Variants in MGRN1 observed in about 807,000 individuals in gnomAD.
The protein encoded by MGRN1 is E3 ubiquitin-protein ligase MGRN1.
MGRN1 carries 29 observed loss-of-function variants against 69.2 expected under a neutral mutation model. The observed-to-expected ratio is 0.42, with a 90% confidence interval of 0.31 to 0.57. MGRN1 has a LOEUF of 0.57. MGRN1 is among the 20% of genes least tolerant of loss of function. The pLI, the probability that MGRN1 is intolerant of heterozygous loss-of-function variation, is 0.15. For synonymous variants in MGRN1, 470 were observed against 344.2 expected, an observed-to-expected ratio of 1.37 and a Z score of -4.04; for missense variants, 998 against 796.2, an observed-to-expected ratio of 1.25 and a Z score of -3.05.
At chr16:4,662,020 C>T (rs2078693120) in intron 5 of MGRN1, among the ~76,000 whole-genome samples, 1 of 152,130 alleles carries the variant, frequency 6.6e-6, no homozygotes, top group Admixed American at 6.5e-5. Flanking sequence ...TGCTGCCAGC[C>T]TTTGCCGTGT....
intron 1 of MGRN1, among the ~76,000 whole-genome samples, chr16:4,643,517 G>A (rs1196166125): frequency 3.3e-5 from 5 of 150,226 alleles, no homozygotes; most frequent in South Asian, 2.1e-4. Flanking sequence ...GACTACAGGC[G>A]CGTGCCACCA....
At chr16:4,687,152 C>T in intron 16 of MGRN1, 3 of 985,406 alleles carry the variant, frequency 3.0e-6, no homozygotes, top group South Asian at 4.7e-5. Flanking sequence ...GTACTGGAAC[C>T]TTCTGGAACA....
intron 15 of MGRN1, among the ~76,000 whole-genome samples, chr16:4,683,642 G>T (rs2079240899): frequency 6.6e-6 from 1 of 152,220 alleles, no homozygotes; most frequent in South Asian, 2.1e-4. Flanking sequence ...GGATGGGAAG[G>T]AGGGAAATAG....
chr16:4,642,501 T>TGTGTGTGTGTG (rs1377829789), intron 1 of MGRN1, among the ~76,000 whole-genome samples: 7 of 151,076 alleles, frequency 4.6e-5, no homozygotes, highest in African/African-American at 1.7e-4. Context: ...TGTGTGTGTG[T>TGTGTGTGTGTG]TTTTAGTAGA....
chr16:4,668,235 C>T (rs891097474), intron 7 of MGRN1, 30 bp from the exon 8 acceptor site: 6 of 1,612,700 alleles, frequency 3.7e-6, no homozygotes, highest in Admixed American at 1.7e-5. Flanking sequence ...AGCTTGACCA[C>T]CTTAACCTCT....
chr16:4,650,030 C>A (rs536103971), intron 1 of MGRN1: 4 of 193,542 alleles, frequency 2.1e-5, no homozygotes, highest in Admixed American at 5.9e-5. Context: ...AGGCTGGGCG[C>A]CGTGGCTCAT....
At position 4,689,686 on chromosome 16, in the gene MGRN1, T is replaced by C. The variant is rs1211079565; in HGVS notation, c.*778T>C. The C allele has an allele frequency of 6.6e-6, 1 of 152,136 alleles. No homozygotes were observed. Among genetic ancestry groups the C allele is most frequent in the Non-Finnish European group, 1.5e-5 (1 of 68,038 alleles). The allele number at this position is 152,136 out of a possible 1,614,324, so 9.4% of individuals were successfully genotyped here. ...CCCCTCCAGGTGCAGGGGCTTCTGT[T>C]TGGCAGGCCCCTGCCAGGGAGGACC... On this transcript the variant is annotated 3_prime_UTR_variant, in exon 17 of 17. Transcript: ENST00000262370.
chr16:4,677,635 C>T, intron 11 of MGRN1, 63 bp downstream of exon 11: 1 of 1,495,804 alleles, frequency 6.7e-7, no homozygotes, highest in Non-Finnish European at 9.2e-7. Context: ...GGGCCAGGCG[C>T]AAGGCCCAGA....
intron 1 of MGRN1, among the ~76,000 whole-genome samples, chr16:4,626,989 C>A (rs1014075316): frequency 1.3e-5 from 2 of 152,140 alleles, no homozygotes; most frequent in African/African-American, 4.8e-5. Flanking sequence ...GATACTTGTT[C>A]TTCTCTTTGT....
intron 7 of MGRN1, among the ~76,000 whole-genome samples, chr16:4,667,168 G>A (rs957275321): frequency 6.6e-6 from 1 of 152,206 alleles, no homozygotes; most frequent in Non-Finnish European, 1.5e-5. Flanking sequence ...CCTAGCCCAG[G>A]CTCTCCACCC....
intron 4 of MGRN1, among the ~76,000 whole-genome samples, chr16:4,655,991 T>C (rs886203847): frequency 6.6e-6 from 1 of 152,230 alleles, no homozygotes; most frequent in Non-Finnish European, 1.5e-5. Flanking sequence ...CTGGCGGCCA[T>C]GGCAGGCCTC....
At position 4,677,471 on chromosome 16, in the gene MGRN1, GC is replaced by G; in HGVS notation, c.967del (p.Leu323SerfsTer175). ...CCCTCCTTCTGCCGCAGCTTTCCGG[GC>G]CCTCCTGCAGATCCGGGCGGTGCGG... is the stretch of plus-strand genomic sequence containing the variant. ...NCPICRLPFR[A>X]LLQIRAVRKK... is the part of the protein sequence containing the mutation. On this transcript the variant is annotated frameshift_variant, in exon 11 of 17. Coordinates refer to ENST00000262370, the MANE Select transcript of MGRN1 (RefSeq NM_015246.4). LOFTEE classifies it high-confidence loss of function. 1 of 1,560,466 alleles carries G rather than the reference GC, an allele frequency of 6.4e-7. No homozygotes were observed. Among genetic ancestry groups the G allele is most frequent in the South Asian group, 1.1e-5 (1 of 87,468 alleles).
chr16:4,665,984 C>T (rs2078795471), intron 7 of MGRN1, among the ~76,000 whole-genome samples: 1 of 152,088 alleles, frequency 6.6e-6, no homozygotes, highest in Non-Finnish European at 1.5e-5. Context: ...TGCCCGCCAC[C>T]ATGCCCAGCT....
intron 10 of MGRN1, among the ~76,000 whole-genome samples, chr16:4,676,603 C>T (rs982833469): frequency 1.3e-5 from 2 of 152,174 alleles, no homozygotes; most frequent in Admixed American, 6.5e-5. Flanking sequence ...CAGAGGAGGC[C>T]TGAGGCCCTG....
chr16:4,668,254 C>T lies in MGRN1; in HGVS notation c.679-11C>T, dbSNP rs754038589. ...TGACCACCTTAACCTCTTTGTCTTTCTCCCCTGCAGCACATGGACGGCAGC... is the reference window on the plus strand; with the variant it reads ...TGACCACCTTAACCTCTTTGTCTTTTTCCCCTGCAGCACATGGACGGCAGC... On this transcript the variant is annotated splice_polypyrimidine_tract_variant and intron_variant, in intron 7 of 16. Coordinates refer to ENST00000262370, the MANE Select transcript of MGRN1 (RefSeq NM_015246.4). The T allele has an allele frequency of 6.2e-7, 1 of 1,613,572 alleles. No homozygotes were observed. The highest frequency in any genetic ancestry group is 1.7e-5 in the Admixed American group (1 of 59,960).
At chr16:4,630,716 A>G (rs1394774360) in intron 1 of MGRN1, among the ~76,000 whole-genome samples, 1 of 150,410 alleles carries the variant, frequency 6.6e-6, no homozygotes, top group Non-Finnish European at 1.5e-5. Context: ...GATTGCTGGG[A>G]TTACAGGCGT....
chr16:4,687,967 G>A (rs994588048), intron 16 of MGRN1: 11 of 985,506 alleles, frequency 1.1e-5, no homozygotes, highest in Non-Finnish European at 1.3e-5. Flanking sequence ...CCTGCGCATC[G>A]GTGGAAGGTG....
chr16:4,673,485 C>G lies in MGRN1; in HGVS notation c.796-13C>G. 1 of 1,610,366 alleles carries G rather than the reference C, an allele frequency of 6.2e-7. No individual in the cohort carries two copies. Among genetic ancestry groups the G allele is most frequent in the Non-Finnish European group, 8.5e-7 (1 of 1,179,406 alleles). ...TTGGGAGGCTGCTGACCCACAAGCC[C>G]TTGTCCCGGCAGCCCTCGGACGACG... On this transcript the variant is annotated splice_polypyrimidine_tract_variant and intron_variant, in intron 9 of 16. Transcript: ENST00000262370.
At chr16:4,679,991 G>C (rs143068748) in intron 11 of MGRN1, 41 bp from the exon 12 acceptor site, 34,041 of 1,595,036 alleles carry the variant, frequency 0.021, 459 homozygotes, top group Non-Finnish European at 0.025. Flanking sequence ...AGGGCCGCGT[G>C]GGGGTGGTAG....
Sources: allele counts gnomAD v4.1 joint callset (sites outside exome capture counted in the v4.1 genomes callset), GRCh38; gene constraint gnomAD v4.1.1; transcripts MANE v1.5; gene names NCBI Gene and HGNC (gene_info 2026-07-23, HGNC 2026-07-21).